Variants in CNTNAP2 observed in about 807,000 individuals in gnomAD.
CNTNAP2 encodes contactin associated protein 2.
Under a neutral mutation model 155.2 loss-of-function variants are expected in CNTNAP2, and 98 were observed. The ratio of observed to expected loss-of-function variants is 0.63; its 90% CI spans 0.54 to 0.75. The LOEUF is 0.75. CNTNAP2 is among the 30% of genes least tolerant of loss of function. CNTNAP2 has a pLI of 0.00. For synonymous variants in CNTNAP2, 651 were observed against 631.2 expected (o/e 1.03, Z -0.47); for missense variants, 1,727 against 1,688.1 (o/e 1.02, Z -0.40).
At chr7:147,274,033 TACAC>T (rs1584836873) in intron 8 of CNTNAP2, among the ~76,000 whole-genome samples, 1 of 150,948 alleles carries the variant, frequency 6.6e-6, no homozygotes, top group African/African-American at 2.4e-5. Context: ...ATATAATATA[TACAC>T]ACACAGACAC....
At chr7:146,274,458 C>T (rs1800132672) in intron 1 of CNTNAP2, among the ~76,000 whole-genome samples, 1 of 152,138 alleles carries the variant, frequency 6.6e-6, no homozygotes, top group South Asian at 2.1e-4. Flanking sequence ...TATAGTAACA[C>T]AAACATAAAG....
intron 13 of CNTNAP2, among the ~76,000 whole-genome samples, chr7:147,804,102 C>A (rs1321947365): frequency 6.6e-6 from 1 of 152,176 alleles, no homozygotes; most frequent in Non-Finnish European, 1.5e-5. Flanking sequence ...GAATTATGAT[C>A]TAGTCTAGTT....
At chr7:147,208,373 A>G (rs1463517574) in intron 8 of CNTNAP2, among the ~76,000 whole-genome samples, 1 of 152,130 alleles carries the variant, frequency 6.6e-6, no homozygotes, top group East Asian at 1.9e-4. Context: ...TTCAAAATGC[A>G]ATTATCTCTC....
intron 13 of CNTNAP2, among the ~76,000 whole-genome samples, chr7:147,731,192 A>C (rs1362188692): frequency 2.0e-5 from 3 of 152,174 alleles, no homozygotes; most frequent in African/African-American, 7.2e-5. Context: ...TATACTAAAC[A>C]ACAGAGTTTC....
chr7:146,329,831 T>C (rs1170966383), intron 1 of CNTNAP2, among the ~76,000 whole-genome samples: 1 of 152,134 alleles, frequency 6.6e-6, no homozygotes, highest in African/African-American at 2.4e-5. Flanking sequence ...ATAGCCACAT[T>C]ACTTCCCTGC....
Position 148,118,284 on chromosome 7 carries a change from G to A in CNTNAP2, c.2550G>A (p.Leu850=). The A allele has an allele frequency of 6.2e-7, 1 of 1,614,084 alleles. No homozygotes were observed. Among genetic ancestry groups the A allele is most frequent in the Non-Finnish European group, 8.5e-7 (1 of 1,179,996 alleles). The change falls in exon 16 of 24, where the codon CTG becomes CTA. Residue 850 remains leucine (L), a synonymous_variant. Coordinates refer to ENST00000361727, the MANE Select transcript of CNTNAP2 (RefSeq NM_014141.6). ...MGKEDFIKLE[L]KSATEVSFSF... is the part of the protein sequence containing the mutation. ...AGGAAGATTTCATCAAGCTGGAGCT[G>A]AAGTGTGAGTATAAGTTGCTTGTCA... is the stretch of plus-strand genomic sequence containing the variant.
intron 1 of CNTNAP2, among the ~76,000 whole-genome samples, chr7:146,483,306 T>A (rs57079418): frequency 1.5e-4 from 14 of 90,596 alleles, no homozygotes; most frequent in South Asian, 9.3e-4. Context: ...TATATATATA[T>A]ATATATATAT....
intron 8 of CNTNAP2, among the ~76,000 whole-genome samples, chr7:147,153,528 A>G (rs1801866286): frequency 6.6e-6 from 1 of 152,136 alleles, no homozygotes; most frequent in Non-Finnish European, 1.5e-5. Context: ...TATCTGGGGG[A>G]AAAACATTCC....
intron 2 of CNTNAP2, among the ~76,000 whole-genome samples, chr7:146,820,606 T>C (rs2129195990): frequency 6.6e-6 from 1 of 152,134 alleles, no homozygotes; most frequent in Admixed American, 6.6e-5. Flanking sequence ...AATTTTGGAG[T>C]AGGTGTGGTG....
chr7:146,842,196 T>C (rs1385605665), intron 3 of CNTNAP2, among the ~76,000 whole-genome samples: 1 of 152,014 alleles, frequency 6.6e-6, no homozygotes, highest in Admixed American at 6.5e-5. Context: ...CTTGGACTCT[T>C]GATATTACAT....
At chr7:147,020,266 A>G (rs1381350236) in intron 3 of CNTNAP2, among the ~76,000 whole-genome samples, 1 of 152,126 alleles carries the variant, frequency 6.6e-6, no homozygotes, top group Non-Finnish European at 1.5e-5. Context: ...AATAGAATCT[A>G]TTTTTGAATA....
chr7:146,759,711 A>AAAAAG (rs1309834469), intron 1 of CNTNAP2, among the ~76,000 whole-genome samples: 63 of 60,734 alleles, frequency 1.0e-3, no homozygotes, highest in African/African-American at 2.6e-3. Flanking sequence ...AAAAAAAAAA[A>AAAAAG]GGTGGGTGGG....
At chr7:147,326,900 C>T (rs183579086) in intron 9 of CNTNAP2, among the ~76,000 whole-genome samples, 38 of 152,294 alleles carry the variant, frequency 2.5e-4, no homozygotes, top group Admixed American at 2.2e-3. Context: ...GTATGTCTGT[C>T]TTATTTACCA....
intron 4 of CNTNAP2, among the ~76,000 whole-genome samples, chr7:147,050,649 C>T (rs1799455728): frequency 6.6e-6 from 1 of 152,182 alleles, no homozygotes; most frequent in African/African-American, 2.4e-5. Flanking sequence ...TAGGGTCACA[C>T]ACTAACTCCC....
At chr7:147,195,171 A>G (rs1389872122) in intron 8 of CNTNAP2, among the ~76,000 whole-genome samples, 4 of 152,170 alleles carry the variant, frequency 2.6e-5, no homozygotes, top group Admixed American at 2.6e-4. Flanking sequence ...CATTTACTGA[A>G]TAGGAGATCA....
intron 13 of CNTNAP2, among the ~76,000 whole-genome samples, chr7:147,898,949 T>C (rs1799816507): frequency 7.2e-6 from 1 of 138,076 alleles, no homozygotes; most frequent in African/African-American, 2.8e-5. Flanking sequence ...TCATCCATGT[T>C]GTCACATATT....
At chr7:147,264,716 G>A (rs1253920195) in intron 8 of CNTNAP2, among the ~76,000 whole-genome samples, 1 of 151,602 alleles carries the variant, frequency 6.6e-6, no homozygotes, top group East Asian at 2.0e-4. Context: ...TAACACCAAG[G>A]TCACACAAGA....
chr7:146,372,636 AT>A (rs2129102975), intron 1 of CNTNAP2, among the ~76,000 whole-genome samples: 1 of 152,332 alleles, frequency 6.6e-6, no homozygotes, highest in Non-Finnish European at 1.5e-5. Flanking sequence ...GTAAGAAGGA[AT>A]ATAAGCTCTA....
At chr7:146,896,966 G>A (rs923298121) in intron 3 of CNTNAP2, among the ~76,000 whole-genome samples, 2 of 152,040 alleles carry the variant, frequency 1.3e-5, no homozygotes, top group Non-Finnish European at 2.9e-5. Context: ...AATATATAAT[G>A]TAAGGGCAAT....
Sources: gnomAD v4.1 joint callset for allele counts (sites outside exome capture counted in the v4.1 genomes callset) on GRCh38, gnomAD v4.1.1 for gene constraint, MANE v1.5 for transcripts, NCBI Gene and HGNC (gene_info 2026-07-23, HGNC 2026-07-21) for gene names.